Variants in BANP observed in about 807,000 individuals in gnomAD.
The protein encoded by BANP is BTG3 associated nuclear protein, also known as protein BANP.
A neutral mutation model predicts 68.1 loss-of-function variants in BANP; 11 were observed. The observed-to-expected ratio is 0.16, with a 90% confidence interval of 0.10 to 0.27. The LOEUF (loss-of-function observed/expected upper bound fraction) is 0.27, where lower values mean the gene tolerates loss of function less well. Among genes scored for constraint, BANP ranks in the 10% least tolerant of loss-of-function variants. The pLI, the probability that BANP is intolerant of heterozygous loss-of-function variation, is 1.00. For synonymous variants in BANP, 329 were observed against 303.2 expected (o/e 1.09, Z -0.88); for missense variants, 504 against 722.7 (o/e 0.70, Z 3.47).
chr16:87,984,322 G>A (rs2063860013), intron 4 of BANP, 63 bp downstream of exon 4: 12 of 1,383,498 alleles, frequency 8.7e-6, no homozygotes, highest in South Asian at 5.4e-5. Context: ...TCACCTCCTC[G>A]CCCAGGCCCG....
At chr16:88,041,071 C>A (rs563944990) in intron 11 of BANP, among the ~76,000 whole-genome samples, 2 of 152,202 alleles carry the variant, frequency 1.3e-5, no homozygotes, top group African/African-American at 4.8e-5. Flanking sequence ...CCTGTGCCCC[C>A]ACATCCTGCA....
chr16:88,056,670 C>T (rs995039026), intron 11 of BANP, among the ~76,000 whole-genome samples: 19 of 152,144 alleles, frequency 1.2e-4, no homozygotes, highest in Admixed American at 7.2e-4. Context: ...TGTTTAGCCC[C>T]GCATCAGACT....
chr16:88,073,298 C>G (rs1487230170), intron 13 of BANP, among the ~76,000 whole-genome samples: 1 of 152,204 alleles, frequency 6.6e-6, no homozygotes, highest in Non-Finnish European at 1.5e-5. Flanking sequence ...GGGGCAGCTG[C>G]GGGCCCAGAG....
intron 11 of BANP, among the ~76,000 whole-genome samples, chr16:88,049,627 CAAG>C (rs1180691645): frequency 1.3e-5 from 2 of 152,196 alleles, no homozygotes; most frequent in African/African-American, 4.8e-5. Flanking sequence ...GGCATCATAA[CAAG>C]AGACGAACCA....
intron 12 of BANP, among the ~76,000 whole-genome samples, chr16:88,066,387 C>T (rs1383765034): frequency 6.6e-6 from 1 of 152,170 alleles, no homozygotes; most frequent in Admixed American, 6.5e-5. Flanking sequence ...CTCTCTGTGG[C>T]GCTGCTGCTG....
At chr16:88,042,438 T>G (rs1290690678) in intron 11 of BANP, among the ~76,000 whole-genome samples, 1 of 152,196 alleles carries the variant, frequency 6.6e-6, no homozygotes, top group Non-Finnish European at 1.5e-5. Flanking sequence ...CCCTGTGGCC[T>G]CTGCTTTGCC....
intron 1 of BANP, among the ~76,000 whole-genome samples, chr16:87,964,532 G>T (rs183948693): frequency 1.9e-4 from 29 of 152,396 alleles, no homozygotes; most frequent in Non-Finnish European, 3.8e-4. Flanking sequence ...CCCAAATGCA[G>T]GGGCCGAGTG....
At chr16:88,006,999 T>G (rs2071413857) in intron 6 of BANP, among the ~76,000 whole-genome samples, 1 of 149,138 alleles carries the variant, frequency 6.7e-6, no homozygotes, top group African/African-American at 2.5e-5. Context: ...ACATGAAGAT[T>G]AAAGGGAAAA....
chr16:88,059,576 C>T (rs529909534), intron 11 of BANP, among the ~76,000 whole-genome samples: 5 of 152,226 alleles, frequency 3.3e-5, no homozygotes, highest in East Asian at 3.9e-4. Flanking sequence ...ATACCATCTT[C>T]GGCAGAATGA....
intron 1 of BANP, among the ~76,000 whole-genome samples, chr16:87,961,414 C>CA (rs1555533496): frequency 7.0e-6 from 1 of 142,380 alleles, no homozygotes; most frequent in African/African-American, 2.5e-5. Flanking sequence ...TCTGCACCCC[C>CA]CCGGGCCTCC....
intron 4 of BANP, among the ~76,000 whole-genome samples, chr16:87,992,687 A>G (rs2066160995): frequency 6.6e-6 from 1 of 151,792 alleles, no homozygotes; most frequent in East Asian, 1.9e-4. Flanking sequence ...TCAGCTACTC[A>G]GGAGGTTGGG....
intron 11 of BANP, among the ~76,000 whole-genome samples, chr16:88,058,486 T>C (rs11117354): frequency 0.58 from 87,595 of 151,980 alleles, 26,499 homozygotes; most frequent in Non-Finnish European, 0.69. Flanking sequence ...AGCACAGGGG[T>C]CATTTCTGAT....
intron 9 of BANP, among the ~76,000 whole-genome samples, chr16:88,033,739 C>T (rs928710461): frequency 3.3e-5 from 5 of 152,160 alleles, no homozygotes; most frequent in African/African-American, 1.2e-4. Flanking sequence ...GGGCACTGTC[C>T]CAGCAGCAAG....
chr16:88,070,203 A>G (rs889001925), intron 12 of BANP, among the ~76,000 whole-genome samples: 2 of 152,140 alleles, frequency 1.3e-5, no homozygotes, highest in African/African-American at 2.4e-5. Context: ...TCAACAGGCT[A>G]TTAGTAAAGT....
chr16:87,991,782 C>T (rs1326528386), intron 4 of BANP, among the ~76,000 whole-genome samples: 2 of 152,110 alleles, frequency 1.3e-5, no homozygotes, highest in African/African-American at 2.4e-5. Context: ...TTTAGATTTT[C>T]TGTAGGATTT....
chr16:87,983,580 C>G (rs2063717268), intron 3 of BANP, among the ~76,000 whole-genome samples: 2 of 152,106 alleles, frequency 1.3e-5, no homozygotes, highest in Non-Finnish European at 2.9e-5. Context: ...CCACGGGAGC[C>G]TCAGGACCAA....
chr16:88,054,794 T>C (rs1187703996), intron 11 of BANP, among the ~76,000 whole-genome samples: 6 of 152,206 alleles, frequency 3.9e-5, no homozygotes, highest in Non-Finnish European at 8.8e-5. Context: ...CCTTGAGTAG[T>C]AGCTTAGGTG....
chr16:88,063,945 G>A (rs888492838), intron 11 of BANP, among the ~76,000 whole-genome samples: 2 of 151,890 alleles, frequency 1.3e-5, no homozygotes, highest in Non-Finnish European at 2.9e-5. Flanking sequence ...ACTTTCAAAT[G>A]TTTCTACATT....
chr16:88,041,649 G>A (rs1386595087), intron 11 of BANP, among the ~76,000 whole-genome samples: 2 of 151,564 alleles, frequency 1.3e-5, no homozygotes, highest in Admixed American at 1.3e-4. Context: ...CAGGAGGGCT[G>A]CCTCGACCTC....
Sources: allele counts gnomAD v4.1 joint callset (sites outside exome capture counted in the v4.1 genomes callset), GRCh38; gene constraint gnomAD v4.1.1; transcripts MANE v1.5; gene names NCBI Gene and HGNC (gene_info 2026-07-23, HGNC 2026-07-21).